PLXDC2: variants seen among roughly 807,000 people sequenced by gnomAD.
PLXDC2 encodes the protein plexin domain-containing protein 2.
Under a neutral mutation model 68.9 loss-of-function variants are expected in PLXDC2, and 40 were observed. That is an observed-to-expected ratio of 0.58 (90% CI 0.45 to 0.76). The LOEUF is 0.76. Ranked by LOEUF, PLXDC2 falls within the 30% of genes least tolerant of loss-of-function variation. The probability of loss-of-function intolerance (pLI) is 0.00; values close to 1 mark genes in which losing one functional copy is unlikely to be tolerated. For synonymous variants in PLXDC2, 243 were observed against 234.2 expected, an observed-to-expected ratio of 1.04 and a Z score of -0.34; for missense variants, 644 against 661.9, an observed-to-expected ratio of 0.97 and a Z score of 0.30.
intron 1 of PLXDC2, among the ~76,000 whole-genome samples, chr10:19,826,956 G>T (rs879744847): frequency 3.3e-5 from 5 of 152,194 alleles, no homozygotes; most frequent in Non-Finnish European, 7.3e-5. Context: ...TTTAGCAACT[G>T]CATCTACTTG....
At chr10:20,124,549 T>A (rs1174402556) in intron 4 of PLXDC2, among the ~76,000 whole-genome samples, 1 of 152,048 alleles carries the variant, frequency 6.6e-6, no homozygotes, top group African/African-American at 2.4e-5. Context: ...CGTGTCTGAG[T>A]GAAGAGACCA....
chr10:19,871,039 C>G (rs1172021140), intron 1 of PLXDC2, among the ~76,000 whole-genome samples: 1 of 152,150 alleles, frequency 6.6e-6, no homozygotes, highest in African/African-American at 2.4e-5. Context: ...TGCTAGGAGC[C>G]ATTAGGAACT....
chr10:20,148,859 ATCT>A lies in PLXDC2; in HGVS notation c.783+961_783+963del, dbSNP rs1834113260. 2.0e-5 allele frequency among the ~76,000 whole-genome samples: 3 copies of A among 152,234 alleles called. No individual in the cohort carries two copies. The South Asian group carries it at 6.2e-4, about 31-fold the overall frequency. The stretch of plus-strand genomic sequence containing the variant: ...TAAAGAAAGAATGCCCTTTGGTCAA[ATCT>A]TCTGAAATCCATCTATTCCATAAAG... On this transcript the variant is annotated intron_variant, in intron 6 of 13. Coordinates refer to ENST00000377252, the MANE Select transcript of PLXDC2 (RefSeq NM_032812.9).
intron 4 of PLXDC2, among the ~76,000 whole-genome samples, chr10:20,121,256 C>T (rs971025734): frequency 2.6e-5 from 4 of 152,134 alleles, no homozygotes; most frequent in East Asian, 3.9e-4. Flanking sequence ...AGCCACTGCA[C>T]GGAGACATGA....
At chr10:20,089,125 AAATTT>A (rs1833239926) in intron 4 of PLXDC2, among the ~76,000 whole-genome samples, 1 of 151,686 alleles carries the variant, frequency 6.6e-6, no homozygotes, top group African/African-American at 2.4e-5. Flanking sequence ...AACATAAGTA[AAATTT>A]AAAGGTCTGC....
At chr10:20,102,047 C>CAAA in intron 4 of PLXDC2, among the ~76,000 whole-genome samples, 1 of 152,108 alleles carries the variant, frequency 6.6e-6, no homozygotes, top group Non-Finnish European at 1.5e-5. Flanking sequence ...TTTGATCCTC[C>CAAA]CGCCTCGCCT....
intron 3 of PLXDC2, among the ~76,000 whole-genome samples, chr10:20,067,611 C>T (rs1161454184): frequency 1.3e-5 from 2 of 151,014 alleles, no homozygotes; most frequent in African/African-American, 2.4e-5. Context: ...TGTTTGAACC[C>T]AGGTGGGCAG....
intron 4 of PLXDC2, among the ~76,000 whole-genome samples, chr10:20,131,534 G>A (rs1833868046): frequency 6.6e-6 from 1 of 152,056 alleles, no homozygotes; most frequent in Non-Finnish European, 1.5e-5. Context: ...CGAGTAGCTG[G>A]AATTATGGGC....
intron 12 of PLXDC2, among the ~76,000 whole-genome samples, chr10:20,233,824 TA>T (rs1379048220): frequency 1.3e-5 from 2 of 152,076 alleles, no homozygotes; most frequent in Admixed American, 6.6e-5. Context: ...TATTTTTATT[TA>T]TTTTTTTTAG....
At chr10:20,259,939 G>A (rs7896723) in intron 13 of PLXDC2, among the ~76,000 whole-genome samples, 41,928 of 151,994 alleles carry the variant, frequency 0.28, 6,303 homozygotes, top group African/African-American at 0.4. Flanking sequence ...AATAAAAAAA[G>A]GAAGAAGATT....
intron 1 of PLXDC2, among the ~76,000 whole-genome samples, chr10:19,959,136 T>C (rs1297437940): frequency 6.6e-6 from 1 of 152,206 alleles, no homozygotes; most frequent in Non-Finnish European, 1.5e-5. Context: ...AAGACATTAA[T>C]CCTGAGATGT....
chr10:20,041,080 C>A (rs1051424998), intron 2 of PLXDC2, among the ~76,000 whole-genome samples: 1 of 152,144 alleles, frequency 6.6e-6, no homozygotes, highest in East Asian at 1.9e-4. Flanking sequence ...TGCTCACCAT[C>A]AGAAGATTTG....
At chr10:19,976,656 A>G (rs569991374) in intron 1 of PLXDC2, among the ~76,000 whole-genome samples, 1 of 152,110 alleles carries the variant, frequency 6.6e-6, no homozygotes, top group East Asian at 1.9e-4. Flanking sequence ...AGAGCACCCA[A>G]TGTGTTCTAT....
At chr10:19,941,974 G>GAAA (rs199597958) in intron 1 of PLXDC2, among the ~76,000 whole-genome samples, 1 of 111,744 alleles carries the variant, frequency 8.9e-6, no homozygotes. Flanking sequence ...GACATTTAGA[G>GAAA]AAAAAAAAAA....
chr10:20,073,983 G>A (rs1363116926), intron 4 of PLXDC2, among the ~76,000 whole-genome samples: 2 of 151,982 alleles, frequency 1.3e-5, no homozygotes, highest in African/African-American at 4.8e-5. Context: ...CATGTGAGAT[G>A]GGTTAATTAC....
chr10:19,824,589 A>G (rs1469161371), intron 1 of PLXDC2, among the ~76,000 whole-genome samples: 2 of 152,210 alleles, frequency 1.3e-5, no homozygotes, highest in Admixed American at 1.3e-4. Flanking sequence ...CACTGAGTTC[A>G]CACAGGATAT....
At chr10:19,886,414 A>T (rs971365887) in intron 1 of PLXDC2, among the ~76,000 whole-genome samples, 15 of 152,308 alleles carry the variant, frequency 9.8e-5, no homozygotes, top group African/African-American at 3.6e-4. Context: ...GCACATCAAA[A>T]AGCTTATCCA....
intron 1 of PLXDC2, among the ~76,000 whole-genome samples, chr10:19,852,058 A>G (rs1053446584): frequency 2.6e-5 from 4 of 152,202 alleles, no homozygotes; most frequent in Admixed American, 2.0e-4. Context: ...CTTGGGAGTT[A>G]CTGAGAAAGG....
intron 1 of PLXDC2, among the ~76,000 whole-genome samples, chr10:19,867,064 C>CTTT (rs61651939): frequency 0.057 from 7,077 of 124,584 alleles, 403 homozygotes; most frequent in East Asian, 0.18. Flanking sequence ...TCCTTTCCCT[C>CTTT]TTTTTTTTTT....
Sources: gnomAD v4.1 joint callset for allele counts (sites outside exome capture counted in the v4.1 genomes callset) on GRCh38, gnomAD v4.1.1 for gene constraint, MANE v1.5 for transcripts, NCBI Gene and HGNC (gene_info 2026-07-23, HGNC 2026-07-21) for gene names.